CNTNAP2: variants seen among roughly 807,000 people sequenced by gnomAD.
CNTNAP2 encodes the protein contactin-associated protein-like 2.
CNTNAP2 carries 98 observed loss-of-function variants against 155.2 expected under a neutral mutation model. The ratio of observed to expected loss-of-function variants is 0.63; its 90% confidence interval spans 0.54 to 0.75. The LOEUF (loss-of-function observed/expected upper bound fraction) is 0.75. Among genes scored for constraint, CNTNAP2 ranks in the 30% least tolerant of loss-of-function variants. The pLI, the probability that CNTNAP2 is intolerant of heterozygous loss-of-function variation, is 0.00. For missense variants in CNTNAP2, 1,727 were observed against 1,688.1 expected (o/e 1.02, Z -0.40); for synonymous variants, 651 against 631.2 (o/e 1.03, Z -0.47).
chr7:148,198,683 G>A (rs564868226), intron 18 of CNTNAP2, among the ~76,000 whole-genome samples: 2 of 152,248 alleles, frequency 1.3e-5, no homozygotes, highest in Non-Finnish European at 2.9e-5. Flanking sequence ...CGCCCTTTCA[G>A]ATATGTCCTT....
chr7:147,717,784 G>T (rs977927862), intron 13 of CNTNAP2, among the ~76,000 whole-genome samples: 1 of 152,054 alleles, frequency 6.6e-6, no homozygotes, highest in Non-Finnish European at 1.5e-5. Flanking sequence ...CTGCTCAAGA[G>T]GCGGAGGTGG....
intron 15 of CNTNAP2, among the ~76,000 whole-genome samples, chr7:147,997,671 TGAGA>T (rs1184666884): frequency 6.6e-6 from 1 of 151,924 alleles, no homozygotes; most frequent in African/African-American, 2.4e-5. Flanking sequence ...CAGGATGCTC[TGAGA>T]GAGAGAGGAG....
At chr7:147,101,614 A>G (rs186411724) in intron 4 of CNTNAP2, among the ~76,000 whole-genome samples, 1 of 152,224 alleles carries the variant, frequency 6.6e-6, no homozygotes, top group African/African-American at 2.4e-5. Context: ...CAGGGATTTT[A>G]CTGAGTGATG....
chr7:146,718,930 C>T (rs555854097), intron 1 of CNTNAP2, among the ~76,000 whole-genome samples: 52 of 152,200 alleles, frequency 3.4e-4, no homozygotes, highest in African/African-American at 1.3e-3. Flanking sequence ...TTGAAATGGG[C>T]GTGTGCTTCT....
intron 21 of CNTNAP2, among the ~76,000 whole-genome samples, chr7:148,284,960 G>A (rs916168140): frequency 2.6e-5 from 4 of 152,176 alleles, no homozygotes. Context: ...GGGAAGACTG[G>A]CATCCCCACA....
At chr7:146,552,020 A>G (rs975787867) in intron 1 of CNTNAP2, among the ~76,000 whole-genome samples, 9 of 152,150 alleles carry the variant, frequency 5.9e-5, no homozygotes, top group African/African-American at 2.2e-4. Context: ...GTCACTGGAA[A>G]TAGATAAAAA....
At chr7:147,695,910 C>T (rs1796154090) in intron 13 of CNTNAP2, among the ~76,000 whole-genome samples, 1 of 152,116 alleles carries the variant, frequency 6.6e-6, no homozygotes, top group South Asian at 2.1e-4. Context: ...GGAGGATTGA[C>T]CCCTTTATCA....
In CNTNAP2 at chr7:148,376,454, AG is replaced by A. The variant is rs1191867360; in HGVS notation, c.3476-7192del. Among the ~76,000 whole-genome samples the A allele has an allele frequency of 6.0e-5, 4 of 67,090 alleles. 2 individuals are homozygous for A. Among genetic ancestry groups the A allele is most frequent in the African/African-American group, 1.5e-4 (4 of 27,332 alleles). The allele number at this position is 67,090 out of a possible 152,430, so 44.0% of individuals were successfully genotyped here. A position where few individuals can be genotyped will look rare whatever the true frequency, so the allele number is the denominator to read the frequency against. Reference sequence around the variant, plus strand: ...AGGATCACTTGAGCCCAGGGGTTCAAGGGTACAGCGAGGCCTATGATCACAC... The same window carrying A: ...AGGATCACTTGAGCCCAGGGGTTCAAGGTACAGCGAGGCCTATGATCACAC... On this transcript the variant is annotated intron_variant, in intron 21 of 23. Coordinates refer to ENST00000361727, the MANE Select transcript of CNTNAP2 (RefSeq NM_014141.6).
intron 10 of CNTNAP2, among the ~76,000 whole-genome samples, chr7:147,431,222 A>G (rs961777522): frequency 1.4e-4 from 21 of 152,128 alleles, no homozygotes; most frequent in Non-Finnish European, 2.9e-5. Context: ...TATTTGATAA[A>G]TATTTCTTCT....
At chr7:146,820,161 G>A (rs370736562) in intron 2 of CNTNAP2, among the ~76,000 whole-genome samples, 1 of 152,098 alleles carries the variant, frequency 6.6e-6, no homozygotes, top group South Asian at 2.1e-4. Flanking sequence ...TTTGGTCAGG[G>A]ACCCTAAGAC....
intron 3 of CNTNAP2, among the ~76,000 whole-genome samples, chr7:146,852,883 T>G (rs978263881): frequency 1.3e-5 from 2 of 152,228 alleles, no homozygotes; most frequent in Non-Finnish European, 2.9e-5. Flanking sequence ...GTTTATCTTA[T>G]GCACTTAGCA....
chr7:147,807,852 G>A (rs1798116583), intron 13 of CNTNAP2, among the ~76,000 whole-genome samples: 1 of 152,086 alleles, frequency 6.6e-6, no homozygotes, highest in Admixed American at 6.5e-5. Flanking sequence ...ATTAAATCAT[G>A]AATAAAAGAT....
chr7:146,883,858 G>A (rs552552020), intron 3 of CNTNAP2, among the ~76,000 whole-genome samples: 2 of 152,070 alleles, frequency 1.3e-5, no homozygotes, highest in Admixed American at 6.6e-5. Context: ...ACATCAAAGA[G>A]AATGTTAATG....
chr7:147,010,902 A>G (rs1798611138), intron 3 of CNTNAP2, among the ~76,000 whole-genome samples: 1 of 152,070 alleles, frequency 6.6e-6, no homozygotes, highest in African/African-American at 2.4e-5. Context: ...AATAATTCTT[A>G]ATTGTAAAGG....
rs1245000368 is a variant in CNTNAP2 at position 147,504,697 on chromosome 7, A to C, written c.1777+18656A>C. Among the ~76,000 whole-genome samples, 6 of 118,550 alleles carry C rather than the reference A, an allele frequency of 5.1e-5. No homozygotes were observed. The East Asian group carries it at 1.2e-3, about 24-fold the overall frequency. 77.8% of individuals were successfully genotyped at this position (118,550 alleles called of 152,430 possible). A position where few individuals can be genotyped will look rare whatever the true frequency, so the allele number is the denominator to read the frequency against. ...GAATGAGATTCTGTCTTAAAAAAAA[A>C]AAAACAAAAAACCTCTGAGAAAGAC... On this transcript the variant is annotated intron_variant, in intron 11 of 23. Transcript: ENST00000361727.
intron 1 of CNTNAP2, among the ~76,000 whole-genome samples, chr7:146,650,954 A>T (rs1799900339): frequency 6.6e-6 from 1 of 152,050 alleles, no homozygotes; most frequent in African/African-American, 2.4e-5. Context: ...CAGGAGTTCA[A>T]AGCTGCAGTG....
intron 9 of CNTNAP2, among the ~76,000 whole-genome samples, chr7:147,350,376 A>G (rs1471499888): frequency 6.6e-6 from 1 of 151,926 alleles, no homozygotes; most frequent in Admixed American, 6.6e-5. Flanking sequence ...CCGATGCCCA[A>G]GTAATACCCC....
At chr7:148,328,130 A>G (rs1336395167) in intron 21 of CNTNAP2, among the ~76,000 whole-genome samples, 2 of 152,214 alleles carry the variant, frequency 1.3e-5, no homozygotes, top group African/African-American at 4.8e-5. Context: ...GAGGCTATTT[A>G]TTCAGAGCTT....
chr7:147,053,464 T>C (rs1230686551), intron 4 of CNTNAP2, among the ~76,000 whole-genome samples: 1 of 152,132 alleles, frequency 6.6e-6, no homozygotes, highest in African/African-American at 2.4e-5. Flanking sequence ...AGCTAGCTTA[T>C]ATTTTGGAGA....
Sources: gnomAD v4.1 joint callset for allele counts (sites outside exome capture counted in the v4.1 genomes callset) on GRCh38, gnomAD v4.1.1 for gene constraint, MANE v1.5 for transcripts, NCBI Gene and HGNC (gene_info 2026-07-23, HGNC 2026-07-21) for gene names.